NBPF14: variants seen among roughly 807,000 people sequenced by gnomAD.
NBPF14 encodes the protein NBPF family member NBPF14.
Under a neutral mutation model 91.2 loss-of-function variants are expected in NBPF14, and 104 were observed. The ratio of observed to expected loss-of-function variants is 1.14; its 90% confidence interval spans 0.97 to 1.34. The LOEUF is 1.34. Among genes scored for constraint, NBPF14 ranks in the 40% most tolerant of loss-of-function variants. NBPF14 has a pLI of 0.00. For synonymous variants in NBPF14, 294 were observed against 303.8 expected (o/e 0.97, Z 0.34); for missense variants, 908 against 783.0 (o/e 1.16, Z -1.91).
At chr1:148,593,867 C>T (rs1441134258) in intron 2 of NBPF14, among the ~76,000 whole-genome samples, 167 bp from the exon 3 acceptor site, 1 of 149,486 alleles carries the variant, frequency 6.7e-6, no homozygotes, top group South Asian at 2.1e-4. Context: ...GACTTTCTGG[C>T]ATCTGATCCT....
At chr1:148,535,263 G>C (rs1246224665) in intron 68 of NBPF14, among the ~76,000 whole-genome samples, 190 bp downstream of exon 68, 1 of 150,732 alleles carries the variant, frequency 6.6e-6, no homozygotes, top group Non-Finnish European at 1.5e-5. Context: ...CCTACAGTAA[G>C]TGAGTAAATG....
intron 28 of NBPF14, 68 bp from the exon 29 acceptor site, chr1:148,566,383 T>C: frequency 1.4e-6 from 1 of 731,460 alleles, no homozygotes; most frequent in East Asian, 2.7e-5. Flanking sequence ...TCAACTAGGT[T>C]TCATGGGTAG....
Position 148,559,971 on chromosome 1 carries a change from A to T in NBPF14, c.4557-6T>A, listed in dbSNP as rs1657418783. On this transcript the variant is annotated splice_region_variant and splice_polypyrimidine_tract_variant and intron_variant, in intron 36 of 70. Coordinates refer to ENST00000619423, the Ensembl canonical transcript of NBPF14. Reference sequence around the variant, plus strand: ...GCAGCAGCTCCCTGCTGAGCCTGGAAAAGTGGAAAAAAGTAAAGAATAAGC... The same window carrying T: ...GCAGCAGCTCCCTGCTGAGCCTGGATAAGTGGAAAAAAGTAAAGAATAAGC... The T allele has an allele frequency of 7.0e-6, 9 of 1,279,762 alleles. 1 individual carries two copies. The highest frequency in any genetic ancestry group is 2.7e-4 in the Middle Eastern group (1 of 3,722). The allele number at this position is 1,279,762 out of a possible 1,614,324, so 79.3% of individuals were successfully genotyped here.
intron 6 of NBPF14, among the ~76,000 whole-genome samples, chr1:148,590,079 C>G (rs1310525755): frequency 8.7e-6 from 1 of 115,536 alleles, no homozygotes; most frequent in African/African-American, 3.3e-5. Context: ...GATGGAGTCT[C>G]GCTCTGTCTC....
intron 36 of NBPF14, 29 bp from the exon 37 acceptor site, chr1:148,559,994 A>C (rs1657433687): frequency 1.5e-5 from 15 of 1,002,018 alleles, no homozygotes; most frequent in East Asian, 2.6e-5. Context: ...GTAAAGAATA[A>C]GCCAGGGGGA....
In NBPF14 at chr1:148,566,403, G is replaced by C. The variant is rs1213815998; in HGVS notation, c.3543-88C>G. ...TAGGTTTCATGGGTAGCATAGGGAA[G>C]TGGTTAAAAAACTAAAAGGATAGAT... is the stretch of plus-strand genomic sequence containing the variant. On this transcript the variant is annotated intron_variant, in intron 28 of 70. Transcript: ENST00000619423. 2.1e-5 allele frequency: 13 copies of C among 633,934 alleles called. No homozygotes were observed. The East Asian group carries it at 2.3e-4, about 11-fold the overall frequency. The allele number at this position is 633,934 out of a possible 1,614,324, so 39.3% of individuals were successfully genotyped here. A position where few individuals can be genotyped will look rare whatever the true frequency, so the allele number is the denominator to read the frequency against.
chr1:148,579,123 T>C lies in NBPF14; in HGVS notation c.1752A>G (p.Thr584=), dbSNP rs1660533514. 1.0e-5 allele frequency: 5 copies of C among 501,242 alleles called. No individual in the cohort carries two copies. The East Asian group carries it at 1.5e-4, about 15-fold the overall frequency. The allele number at this position is 501,242 out of a possible 1,614,324, so 31.0% of individuals were successfully genotyped here. Residue 584 remains threonine (T), a synonymous_variant, in exon 13 of 71, where the codon ACA becomes ACG. Coordinates refer to ENST00000619423, the Ensembl canonical transcript of NBPF14. Reference sequence around the variant, plus strand: ...CTTGCTGTTCCTCTAATGAGTGAAATGTGCTGCTGTAAGACTGGTACGAGG... The same window carrying C: ...CTTGCTGTTCCTCTAATGAGTGAAACGTGCTGCTGTAAGACTGGTACGAGG...
chr1:148,535,055 G>A (rs1475092188), intron 68 of NBPF14, among the ~76,000 whole-genome samples, 199 bp from the exon 69 acceptor site: 3 of 144,994 alleles, frequency 2.1e-5, no homozygotes, highest in East Asian at 2.0e-4. Context: ...ACAGGGAGAG[G>A]GAGAGAGAGA....
chr1:148,533,053 C>A, exon 71 of NBPF14: 1 of 1,110,208 alleles, frequency 9.0e-7, no homozygotes, highest in Non-Finnish European at 1.2e-6. Context: ...GGAGACTTGT[C>A]ACCGTCAAAG....
intron 22 of NBPF14, among the ~76,000 whole-genome samples, chr1:148,571,274 C>G (rs113206251): frequency 0.11 from 5,770 of 51,390 alleles, 17 homozygotes; most frequent in East Asian, 0.2. Flanking sequence ...CACACACACA[C>G]AGAGAGAGAG....
At chr1:148,541,995 G>A (rs1655601155) in intron 59 of NBPF14, among the ~76,000 whole-genome samples, 156 bp from the exon 60 acceptor site, 2 of 37,782 alleles carry the variant, frequency 5.3e-5, no homozygotes, top group Admixed American at 5.4e-4. Context: ...GGCTGGTTAT[G>A]ATAGAAATTC....
chr1:148,576,182 T>TGCCATACA (rs1214673621), intron 16 of NBPF14, among the ~76,000 whole-genome samples: 1 of 105,230 alleles, frequency 9.5e-6, no homozygotes, highest in Non-Finnish European at 1.8e-5. Context: ...TCCATGCAGT[T>TGCCATACA]GCCATACAGC....
rs1160171660 is a variant in NBPF14 at position 148,590,092 on chromosome 1, A to T, written c.778+665T>A. On this transcript the variant is annotated intron_variant, in intron 6 of 70. Transcript: ENST00000619423. ...GAGATGGAGTCTCGCTCTGTCTCCC[A>T]GGCTGGAGTGCAGTGGCACAATCTC... Among the ~76,000 whole-genome samples the T allele has an allele frequency of 7.7e-3, 896 of 116,852 alleles. 47 individuals are homozygous for T. Among genetic ancestry groups the T allele is most frequent in the Non-Finnish European group, 0.012 (705 of 58,818 alleles). 76.7% of individuals were successfully genotyped at this position (116,852 alleles called of 152,430 possible).
intron 29 of NBPF14, 93 bp downstream of exon 29, chr1:148,566,050 C>T: frequency 3.3e-6 from 1 of 302,920 alleles, no homozygotes; most frequent in Non-Finnish European, 5.7e-6. Context: ...GCAATGACAT[C>T]TCTCAGCTCA....
chr1:148,587,538 C>T lies in NBPF14; in HGVS notation c.989-135G>A, dbSNP rs1480378465. ...ACCAGGGTCTAGACAGGGATTTCAA[C>T]ATCTTTACTCTTCAGTCTCCTGACT... On this transcript the variant is annotated intron_variant, in intron 7 of 70. Transcript: ENST00000619423. 5 of 997,182 alleles carry T rather than the reference C, an allele frequency of 5.0e-6. No homozygotes were observed. In the African/African-American group the frequency reaches 8.0e-5, roughly 16 times the overall value. The allele number at this position is 997,182 out of a possible 1,614,324, so 61.8% of individuals were successfully genotyped here.
In NBPF14 at chr1:148,535,071, G is replaced by A. The variant is rs1302918410; in HGVS notation, c.8442-215C>T. On this transcript the variant is annotated intron_variant, in intron 68 of 70. Coordinates refer to ENST00000619423, the Ensembl canonical transcript of NBPF14. ...CAGGGAGAGGGAGAGAGAGAGAGAG[G>A]AGAAAGTGAGCTCAGCGAATTGGCC... Among the ~76,000 whole-genome samples the A allele has an allele frequency of 2.1e-5, 3 of 146,060 alleles. No homozygotes were observed. The East Asian group carries it at 6.1e-4, about 30-fold the overall frequency.
At chr1:148,577,736 G>T (rs1219762784) in intron 14 of NBPF14, among the ~76,000 whole-genome samples, 28 of 140,998 alleles carry the variant, frequency 2.0e-4, no homozygotes, top group East Asian at 8.2e-4. Flanking sequence ...CAAGTTTCCC[G>T]GCAGTTACCA....
exon 8 of NBPF14, chr1:148,587,395 C>T (rs1661719875): frequency 1.9e-6 from 3 of 1,578,574 alleles, no homozygotes; most frequent in African/African-American, 1.4e-5. Flanking sequence ...TCTTTGCACT[C>T]TTCATATTCT....
chr1:148,576,115 C>T lies in NBPF14; in HGVS notation c.2078+295G>A, dbSNP rs1196518303. On this transcript the variant is annotated intron_variant, in intron 16 of 70. Transcript: ENST00000619423. The stretch of plus-strand genomic sequence containing the variant: ...GAGTTAGTGCCCTCGGGACACACAG[C>T]GAACAGTGATCATGAAAAGAGTGGG... Among the ~76,000 whole-genome samples, 59 of 127,832 alleles carry T rather than the reference C, an allele frequency of 4.6e-4. 1 individual carries two copies. The highest frequency in any genetic ancestry group is 3.9e-3 in the Middle Eastern group (1 of 258). The allele number at this position is 127,832 out of a possible 152,430, so 83.9% of individuals were successfully genotyped here. A position where few individuals can be genotyped will look rare whatever the true frequency, so the allele number is the denominator to read the frequency against.
Sources: allele counts gnomAD v4.1 joint callset (sites outside exome capture counted in the v4.1 genomes callset), GRCh38; gene constraint gnomAD v4.1.1; transcripts MANE v1.5; gene names NCBI Gene and HGNC (gene_info 2026-07-23, HGNC 2026-07-21).